NT5DC3: variants seen among roughly 807,000 people sequenced by gnomAD.
NT5DC3 encodes the protein 5'-nucleotidase domain-containing protein 3.
A neutral mutation model predicts 67.8 loss-of-function variants in NT5DC3; 42 were observed. The observed-to-expected ratio is 0.62, with a 90% CI of 0.48 to 0.80. The LOEUF (loss-of-function observed/expected upper bound fraction) is 0.80. Ranked by LOEUF, NT5DC3 falls within the 30% of genes least tolerant of loss-of-function variation. NT5DC3 has a pLI of 0.00. For missense variants in NT5DC3, 570 were observed against 696.4 expected (o/e 0.82, Z 2.04); for synonymous variants, 237 against 255.6 (o/e 0.93, Z 0.69).
downstream of NT5DC3, chr12:103,766,048 G>A: frequency 1.5e-6 from 1 of 665,076 alleles, no homozygotes; most frequent in Non-Finnish European, 2.8e-6. Context: ...CTGCAGCCGA[G>A]TTGGGATGAT....
intron 2 of NT5DC3, among the ~76,000 whole-genome samples, chr12:103,807,602 G>C (rs1031567792): frequency 6.6e-6 from 1 of 152,178 alleles, no homozygotes; most frequent in African/African-American, 2.4e-5. Context: ...GCCTAGGGAG[G>C]CCCTTCCTTG....
intron 1 of NT5DC3, among the ~76,000 whole-genome samples, chr12:103,817,141 T>C (rs1188659834): frequency 6.6e-6 from 1 of 151,902 alleles, no homozygotes; most frequent in Non-Finnish European, 1.5e-5. Flanking sequence ...CTAGGCCTAA[T>C]GATGATGGAG....
intron 9 of NT5DC3, 54 bp from the exon 10 acceptor site, chr12:103,788,973 C>A: frequency 1.7e-6 from 2 of 1,154,952 alleles, no homozygotes; most frequent in Non-Finnish European, 2.6e-6. Flanking sequence ...GCTGTCTGCT[C>A]TATGAAATAC....
chr12:103,801,482 A>C (rs949277896), intron 4 of NT5DC3, among the ~76,000 whole-genome samples: 1 of 140,552 alleles, frequency 7.1e-6, no homozygotes, highest in African/African-American at 2.7e-5. Context: ...TCCCAGGTTC[A>C]CGCCATTCTC....
intron 4 of NT5DC3, chr12:103,802,172 A>G (rs1886616077): frequency 6.6e-6 from 1 of 152,244 alleles, no homozygotes; most frequent in South Asian, 2.1e-4. Flanking sequence ...TACACTGTCC[A>G]TACTCCTTGA....
intron 4 of NT5DC3, among the ~76,000 whole-genome samples, chr12:103,801,290 G>C (rs1886563832): frequency 6.8e-6 from 1 of 146,480 alleles, no homozygotes; most frequent in Non-Finnish European, 1.5e-5. Flanking sequence ...TGAAAGAGAA[G>C]AAAAGTGACA....
At chr12:103,787,610 A>T (rs1365591627) in intron 10 of NT5DC3, 83 bp from the exon 11 acceptor site, 2 of 707,348 alleles carry the variant, frequency 2.8e-6, no homozygotes, top group African/African-American at 3.6e-5. Flanking sequence ...AACTTTTAAA[A>T]ATTGTTGTTT....
chr12:103,820,476 A>G (rs753562545), intron 1 of NT5DC3, among the ~76,000 whole-genome samples: 2 of 152,190 alleles, frequency 1.3e-5, no homozygotes, highest in Non-Finnish European at 2.9e-5. Flanking sequence ...GACACTTTCC[A>G]CTTATTCAAG....
At position 103,841,155 on chromosome 12, in the gene NT5DC3, ATGCCTGC is replaced by A. The variant is rs375045975; in HGVS notation, c.-6_1del. On this transcript the variant is annotated start_lost and start_retained_variant and 5_prime_UTR_variant, in exon 1 of 14. Transcript: ENST00000392876. ...CACCACCGCCGCCGCTGCCATGGTCATGCCTGCTGCCTGCTGCCGCCACCGCCGCCGC... is the reference window on the plus strand; with the variant it reads ...CACCACCGCCGCCGCTGCCATGGTCATGCCTGCTGCCGCCACCGCCGCCGC... 1.2e-5 allele frequency: 9 copies of A among 765,992 alleles called. No homozygotes were observed. Among genetic ancestry groups the A allele is most frequent in the African/African-American group, 9.4e-5 (5 of 53,242 alleles). The allele number at this position is 765,992 out of a possible 1,614,324, so 47.4% of individuals were successfully genotyped here.
chr12:103,766,236 G>A, downstream of NT5DC3: 2 of 1,611,982 alleles, frequency 1.2e-6, no homozygotes, highest in Non-Finnish European at 1.7e-6. Flanking sequence ...GATTCAACTA[G>A]GACTCAACAC....
intron 4 of NT5DC3, among the ~76,000 whole-genome samples, chr12:103,804,172 C>G (rs537252024): frequency 6.6e-6 from 1 of 152,180 alleles, no homozygotes; most frequent in Non-Finnish European, 1.5e-5. Flanking sequence ...ATCATCACCA[C>G]CACCTCCTCT....
chr12:103,756,810 T>C, the NT5DC3 span, among the ~76,000 whole-genome samples: 3 of 151,834 alleles, frequency 2.0e-5, no homozygotes, highest in Non-Finnish European at 2.9e-5. Flanking sequence ...ACCAAAGATA[T>C]CCATCTCACT....
intron 1 of NT5DC3, among the ~76,000 whole-genome samples, chr12:103,833,947 G>A (rs992525493): frequency 2.6e-5 from 4 of 152,088 alleles, no homozygotes; most frequent in African/African-American, 7.2e-5. Flanking sequence ...ATGATCACAC[G>A]AAGATTTCTT....
chr12:103,812,380 C>T (rs1426004441), intron 2 of NT5DC3, among the ~76,000 whole-genome samples: 1 of 152,242 alleles, frequency 6.6e-6, no homozygotes, highest in East Asian at 1.9e-4. Context: ...ACTAATATGC[C>T]TGATATAATT....
At chr12:103,746,831 C>T in the NT5DC3 span, 4 of 808,672 alleles carry the variant, frequency 4.9e-6, no homozygotes, top group African/African-American at 5.1e-5. Context: ...CACCTACCCT[C>T]TCTATGACTC....
chr12:103,841,189 C>A lies in NT5DC3; in HGVS notation c.-33G>T. On this transcript the variant is annotated 5_prime_UTR_variant, in exon 1 of 14. Coordinates refer to ENST00000392876, the MANE Select transcript of NT5DC3 (RefSeq NM_001031701.3). The stretch of plus-strand genomic sequence containing the variant: ...GCCTGCTGCCGCCACCGCCGCCGCG[C>A]CGCTCTGCGACTGCTGCTGCCCGGC... 1 of 605,538 alleles carries A rather than the reference C, an allele frequency of 1.7e-6. No individual in the cohort carries two copies. The highest frequency in any genetic ancestry group is 2.8e-6 in the Non-Finnish European group (1 of 360,946). The allele number at this position is 605,538 out of a possible 1,614,324, so 37.5% of individuals were successfully genotyped here.
the NT5DC3 span, chr12:103,746,421 G>T: frequency 1.6e-6 from 1 of 607,988 alleles, no homozygotes; most frequent in Non-Finnish European, 3.0e-6. Flanking sequence ...AGTAATTCTA[G>T]AATCCCAGAA....
intron 6 of NT5DC3, among the ~76,000 whole-genome samples, chr12:103,795,120 A>G (rs1886255558): frequency 6.6e-6 from 1 of 152,158 alleles, no homozygotes; most frequent in African/African-American, 2.4e-5. Flanking sequence ...ATTCAATTTC[A>G]CACCAGCAGC....
the NT5DC3 span, chr12:103,749,192 C>T: frequency 7.3e-5 from 114 of 1,562,230 alleles, no homozygotes; most frequent in Non-Finnish European, 9.0e-5. Flanking sequence ...TTGGGAGCAG[C>T]GCCGTGGGCT....
Sources: gnomAD v4.1 joint callset for allele counts (sites outside exome capture counted in the v4.1 genomes callset) on GRCh38, gnomAD v4.1.1 for gene constraint, MANE v1.5 for transcripts, NCBI Gene and HGNC (gene_info 2026-07-23, HGNC 2026-07-21) for gene names.